Variants in DHRS3 observed in about 807,000 individuals in gnomAD.
DHRS3 encodes the protein dehydrogenase/reductase 3, also known as short-chain dehydrogenase/reductase 3.
DHRS3 carries 14 observed loss-of-function variants against 27.2 expected under a neutral mutation model. The observed-to-expected ratio is 0.52, with a 90% CI of 0.34 to 0.81. DHRS3 has a LOEUF of 0.81. Ranked by LOEUF, DHRS3 falls within the 30% of genes least tolerant of loss-of-function variation. The probability of loss-of-function intolerance (pLI) is 0.01; values close to 1 mark genes in which losing one functional copy is unlikely to be tolerated. For missense variants in DHRS3, 322 were observed against 406.2 expected (o/e 0.79, Z 1.78); for synonymous variants, 165 against 175.9 (o/e 0.94, Z 0.49).
At chr1:12,605,403 C>T (rs952848982) in intron 1 of DHRS3, among the ~76,000 whole-genome samples, 1 of 152,098 alleles carries the variant, frequency 6.6e-6, no homozygotes, top group African/African-American at 2.4e-5. Context: ...TAGTCATGTA[C>T]AATACCATGT....
Position 12,578,109 on chromosome 1 carries a change from C to A in DHRS3, c.698+609G>T, listed in dbSNP as rs1206339705. On this transcript the variant is annotated intron_variant, in intron 4 of 5. Transcript: ENST00000616661. This position sits in a 1 kb window ranked among gnomAD's most constrained non-coding sequence, Gnocchi z 4.5. ...ACCAGGCAGAATGCACCCTATGTCTCAAGCTCCCTTCGCCCTGCACGACGC... is the reference window on the plus strand; with the variant it reads ...ACCAGGCAGAATGCACCCTATGTCTAAAGCTCCCTTCGCCCTGCACGACGC... 6.6e-6 allele frequency among the ~76,000 whole-genome samples: 1 copy of A among 151,914 alleles called. No individual in the cohort carries two copies. Among genetic ancestry groups the A allele is most frequent in the African/African-American group, 2.4e-5 (1 of 41,358 alleles).
At chr1:12,611,260 A>T (rs11121949) in intron 1 of DHRS3, among the ~76,000 whole-genome samples, 2,617 of 152,342 alleles carry the variant, frequency 0.017, 67 homozygotes, top group African/African-American at 0.06. Context: ...ACTGAAAATG[A>T]ACTTGACTCA....
chr1:12,616,061 G>C (rs1646942231), intron 1 of DHRS3, among the ~76,000 whole-genome samples: 1 of 152,202 alleles, frequency 6.6e-6, no homozygotes, highest in Non-Finnish European at 1.5e-5. Context: ...GTAAATCTCA[G>C]GGCAGTATTT....
Position 12,609,103 on chromosome 1 carries a change from A to G in DHRS3, c.195+8051T>C, listed in dbSNP as rs192014191. The stretch of plus-strand genomic sequence containing the variant: ...ATTTTATTCAGAGGGGTTAAGCACT[A>G]CTGCCATTAGAAGCCTGCTTGTTGG... On this transcript the variant is annotated intron_variant, in intron 1 of 5. Transcript: ENST00000616661. 7.5e-3 allele frequency among the ~76,000 whole-genome samples: 1,136 copies of G among 152,334 alleles called. 17 individuals are homozygous for G. The highest frequency in any genetic ancestry group is 0.026 in the African/African-American group (1,097 of 41,570).
intron 1 of DHRS3, among the ~76,000 whole-genome samples, chr1:12,612,849 G>C (rs1007283360): frequency 4.6e-5 from 7 of 151,956 alleles, no homozygotes; most frequent in African/African-American, 1.7e-4. Context: ...ACCTGAGGTT[G>C]GGAGTTCGAG....
intron 1 of DHRS3, among the ~76,000 whole-genome samples, chr1:12,590,372 G>A (rs191737992): frequency 1.1e-4 from 17 of 152,276 alleles, no homozygotes; most frequent in South Asian, 2.1e-4. Context: ...GTGCAGTGGC[G>A]TGATCTTGGC....
At chr1:12,573,086 G>C (rs1286018635) in intron 4 of DHRS3, among the ~76,000 whole-genome samples, 1 of 152,180 alleles carries the variant, frequency 6.6e-6, no homozygotes, top group Non-Finnish European at 1.5e-5. Flanking sequence ...CACCCACTGG[G>C]GACCCACTCT....
intron 1 of DHRS3, among the ~76,000 whole-genome samples, chr1:12,597,500 C>T (rs143221765): frequency 1.2e-4 from 18 of 152,358 alleles, no homozygotes; most frequent in Admixed American, 1.3e-4. Flanking sequence ...CCTCACATCC[C>T]TCTGCTTTCT....
At chr1:12,590,471 C>T (rs1427106113) in intron 1 of DHRS3, among the ~76,000 whole-genome samples, 2 of 152,062 alleles carry the variant, frequency 1.3e-5, no homozygotes, top group African/African-American at 2.4e-5. Context: ...CCACCACGCC[C>T]GGCTAATTTT....
intron 2 of DHRS3, 38 bp from the exon 3 acceptor site, chr1:12,579,450 C>T (rs1200505775): frequency 6.2e-7 from 1 of 1,609,572 alleles, no homozygotes; most frequent in East Asian, 2.2e-5. Flanking sequence ...ATGAGGGCAG[C>T]CAGCCCAGGG....
intron 1 of DHRS3, 80 bp downstream of exon 1, chr1:12,617,074 G>A: frequency 6.9e-7 from 1 of 1,459,214 alleles, no homozygotes; most frequent in Non-Finnish European, 9.1e-7. Flanking sequence ...GCTCCCGGGC[G>A]CGGGATCCCG....
intron 1 of DHRS3, among the ~76,000 whole-genome samples, chr1:12,584,535 G>A (rs543743562): frequency 2.2e-3 from 268 of 121,974 alleles, no homozygotes; most frequent in Admixed American, 4.8e-3. Context: ...CCAGTGCCCA[G>A]CATAGCACAT....
At chr1:12,576,604 C>T (rs1276204680) in intron 4 of DHRS3, among the ~76,000 whole-genome samples, 2 of 151,522 alleles carry the variant, frequency 1.3e-5, no homozygotes, top group African/African-American at 2.4e-5. Flanking sequence ...CACTGATGCA[C>T]TTCTGTCCAG....
intron 1 of DHRS3, among the ~76,000 whole-genome samples, chr1:12,604,232 A>G (rs1646854780): frequency 6.6e-6 from 1 of 152,212 alleles, no homozygotes; most frequent in Admixed American, 6.5e-5. Context: ...CAAAGCTCTC[A>G]GGCCACGCAG....
At chr1:12,573,167 G>T (rs180697881) in intron 4 of DHRS3, among the ~76,000 whole-genome samples, 2 of 151,946 alleles carry the variant, frequency 1.3e-5, no homozygotes, top group African/African-American at 4.8e-5. Context: ...TCTGGGCCCT[G>T]GTTGTCCTTC....
At chr1:12,604,257 G>A (rs765865263) in intron 1 of DHRS3, among the ~76,000 whole-genome samples, 2 of 152,154 alleles carry the variant, frequency 1.3e-5, no homozygotes, top group South Asian at 2.1e-4. Context: ...CAGTGACCTC[G>A]GGCTTAACTG....
intron 1 of DHRS3, among the ~76,000 whole-genome samples, chr1:12,609,444 C>T (rs1646892406): frequency 2.0e-5 from 3 of 152,114 alleles, no homozygotes; most frequent in Admixed American, 2.0e-4. Flanking sequence ...AACAGTGGCA[C>T]CCCGGACTGC....
chr1:12,605,586 T>C (rs1646865022), intron 1 of DHRS3, among the ~76,000 whole-genome samples: 1 of 152,186 alleles, frequency 6.6e-6, no homozygotes. Flanking sequence ...AAAATGCGTA[T>C]TACGAAAAAA....
chr1:12,580,337 G>C, intron 2 of DHRS3, 186 bp downstream of exon 2: 1 of 710,956 alleles, frequency 1.4e-6, no homozygotes, highest in Non-Finnish European at 2.4e-6. Flanking sequence ...CGCCTGTTAC[G>C]TAATCAACCC....
Sources: allele counts gnomAD v4.1 joint callset (sites outside exome capture counted in the v4.1 genomes callset), GRCh38; gene constraint gnomAD v4.1.1; non-coding constraint Gnocchi (gnomAD v3.1); transcripts MANE v1.5; gene names NCBI Gene and HGNC (gene_info 2026-07-23, HGNC 2026-07-21).